Variants in EYA4 observed in about 807,000 individuals in gnomAD.
The protein encoded by EYA4 is protein phosphatase EYA4.
EYA4 carries 31 observed loss-of-function variants against 87.9 expected under a neutral mutation model. The observed-to-expected ratio is 0.35, with a 90% CI of 0.27 to 0.48. The LOEUF (loss-of-function observed/expected upper bound fraction) is 0.48, where lower values mean the gene tolerates loss of function less well. Among genes scored for constraint, EYA4 ranks in the 20% least tolerant of loss-of-function variants. The pLI, the probability that EYA4 is intolerant of heterozygous loss-of-function variation, is 0.99. For missense variants in EYA4, 678 were observed against 761.4 expected, an observed-to-expected ratio of 0.89 and a Z score of 1.29; for synonymous variants, 263 against 270.6, an observed-to-expected ratio of 0.97 and a Z score of 0.28.
intron 6 of EYA4, among the ~76,000 whole-genome samples, chr6:133,460,099 A>T (rs2128652092): frequency 6.6e-6 from 1 of 152,252 alleles, no homozygotes; most frequent in East Asian, 1.9e-4. Flanking sequence ...CAATTCTAAA[A>T]GTTTCGCTCC....
At chr6:133,432,971 T>G (rs1791323382) in intron 3 of EYA4, among the ~76,000 whole-genome samples, 1 of 152,182 alleles carries the variant, frequency 6.6e-6, no homozygotes, top group African/African-American at 2.4e-5. Flanking sequence ...ACCCATTAAC[T>G]TTTTCTAGGT....
At chr6:133,412,515 T>G (rs1011903860) in intron 3 of EYA4, among the ~76,000 whole-genome samples, 1 of 152,190 alleles carries the variant, frequency 6.6e-6, no homozygotes, top group Non-Finnish European at 1.5e-5. Flanking sequence ...TTTCGTGTAA[T>G]GTATGTATTT....
chr6:133,436,770 G>A (rs1220625971), intron 3 of EYA4, among the ~76,000 whole-genome samples: 4 of 152,234 alleles, frequency 2.6e-5, no homozygotes, highest in Admixed American at 1.3e-4. Context: ...GCTGGCATGA[G>A]TGGGAGTGTT....
At position 133,356,779 on chromosome 6, in the gene EYA4, GTGTGTGTGTGTGTATA is replaced by G. The variant is rs1204681702; in HGVS notation, c.34-25611_34-25596del. On this transcript the variant is annotated intron_variant, in intron 2 of 19. Transcript: ENST00000355286. ...TGTGTGTGTGTGTGTGTGTGTGTGTGTGTGTGTGTGTGTATATATATATTTTATTTTTATTTTTTTT... is the reference window on the plus strand; with the variant it reads ...TGTGTGTGTGTGTGTGTGTGTGTGTGTATATATTTTATTTTTATTTTTTTT... Among the ~76,000 whole-genome samples the G allele has an allele frequency of 3.1e-3, 436 of 140,426 alleles. 5 individuals are homozygous for G. The highest frequency in any genetic ancestry group is 0.011 in the African/African-American group (419 of 38,372). The allele number at this position is 140,426 out of a possible 152,430, so 92.1% of individuals were successfully genotyped here. A position where few individuals can be genotyped will look rare whatever the true frequency, so the allele number is the denominator to read the frequency against.
chr6:133,491,561 CCAA>C (rs1322072011), intron 13 of EYA4, among the ~76,000 whole-genome samples: 1 of 152,046 alleles, frequency 6.6e-6, no homozygotes, highest in East Asian at 1.9e-4. Flanking sequence ...ATGAAATGGA[CCAA>C]CAACTAGACA....
At chr6:133,340,066 TAAAAG>T (rs923486204) in intron 2 of EYA4, among the ~76,000 whole-genome samples, 55 of 152,062 alleles carry the variant, frequency 3.6e-4, no homozygotes, top group African/African-American at 1.2e-3. Flanking sequence ...TGAAAAGACT[TAAAAG>T]AGAAGGGGAA....
chr6:133,405,462 C>T (rs1788621925), intron 3 of EYA4, among the ~76,000 whole-genome samples: 1 of 152,034 alleles, frequency 6.6e-6, no homozygotes, highest in Non-Finnish European at 1.5e-5. Context: ...CTTGCATTGT[C>T]GTGATGATGT....
At chr6:133,436,306 T>C (rs1031184942) in intron 3 of EYA4, among the ~76,000 whole-genome samples, 2 of 152,180 alleles carry the variant, frequency 1.3e-5, no homozygotes, top group Admixed American at 6.5e-5. Context: ...CTTGCTCTCC[T>C]GCCTAGCCTG....
In EYA4 at chr6:133,500,661, T is replaced by C. The variant is rs112346987; in HGVS notation, c.1192-5445T>C. ...TGCCTCCTACATCTGTAGCCATAGA[T>C]GTCTCTTGCACCTCTCTTGCACCCT... On this transcript the variant is annotated intron_variant, in intron 13 of 19. Coordinates refer to ENST00000355286, the MANE Select transcript of EYA4 (RefSeq NM_004100.5). 1.5e-3 allele frequency among the ~76,000 whole-genome samples: 232 copies of C among 152,304 alleles called. 1 individual carries two copies. Among genetic ancestry groups the C allele is most frequent in the African/African-American group, 5.1e-3 (213 of 41,562 alleles).
chr6:133,432,589 G>A lies in EYA4; in HGVS notation c.84-14041G>A, dbSNP rs538026861. Among the ~76,000 whole-genome samples, 47 of 151,626 alleles carry A rather than the reference G, an allele frequency of 3.1e-4. 1 individual carries two copies. In the South Asian group the frequency reaches 8.8e-3, roughly 28 times the overall value. On this transcript the variant is annotated intron_variant, in intron 3 of 19. Transcript: ENST00000355286. Reference sequence around the variant, plus strand: ...TCCTGACACTGCTGTTACATGAATCGTACACAACTTCAACCATTGCTTGCT... The same window carrying A: ...TCCTGACACTGCTGTTACATGAATCATACACAACTTCAACCATTGCTTGCT...
intron 2 of EYA4, among the ~76,000 whole-genome samples, chr6:133,340,009 A>G (rs1017765719): frequency 3.3e-5 from 5 of 152,208 alleles, no homozygotes; most frequent in Non-Finnish European, 7.3e-5. Flanking sequence ...TGGGCTTGAT[A>G]GAATTTAGCA....
intron 3 of EYA4, among the ~76,000 whole-genome samples, chr6:133,394,282 G>GTGTTTTTTTT (rs1490003814): frequency 9.3e-6 from 1 of 107,846 alleles, no homozygotes; most frequent in African/African-American, 4.8e-5. Flanking sequence ...ATATAAGCTT[G>GTGTTTTTTTT]TGTTTTTTTT....
chr6:133,242,061 C>T (rs1017638751), intron 1 of EYA4, among the ~76,000 whole-genome samples: 2 of 152,238 alleles, frequency 1.3e-5, no homozygotes, highest in South Asian at 4.1e-4. Context: ...GGAGCCTGCG[C>T]GTAACGGAGT....
rs180767651 is a variant in EYA4 at position 133,391,156 on chromosome 6, T to C, written c.83+8715T>C. ...TAGGACTCTTATTGGTTGCAGCTAC[T>C]GTTGTCAGCCAGTTGAAGCAGAAAA... On this transcript the variant is annotated intron_variant, in intron 3 of 19. Transcript: ENST00000355286. 1.4e-3 allele frequency among the ~76,000 whole-genome samples: 211 copies of C among 152,208 alleles called. 1 individual carries two copies. The highest frequency in any genetic ancestry group is 5.0e-3 in the African/African-American group (208 of 41,544).
chr6:133,500,635 G>A (rs887938562), intron 13 of EYA4, among the ~76,000 whole-genome samples: 7 of 152,042 alleles, frequency 4.6e-5, no homozygotes, highest in Admixed American at 6.6e-5. Flanking sequence ...CACCAAATCC[G>A]TGCCTCCTAC....
chr6:133,451,273 G>T (rs1355820395), intron 5 of EYA4, among the ~76,000 whole-genome samples: 3 of 152,090 alleles, frequency 2.0e-5, no homozygotes, highest in Non-Finnish European at 4.4e-5. Context: ...ACTTAAAAAG[G>T]TAAAAACCAT....
chr6:133,270,944 C>T (rs938516979), intron 1 of EYA4, among the ~76,000 whole-genome samples: 5 of 152,178 alleles, frequency 3.3e-5, no homozygotes, highest in Admixed American at 6.5e-5. Context: ...GCAATGTTAA[C>T]ATCCAGTTTA....
Position 133,382,441 on chromosome 6 carries a change from G to T in EYA4, c.83G>T (p.Arg28Met). The change falls in exon 3 of 20, where the codon AGG (arginine) becomes ATG (methionine). Residue 28 changes from arginine to methionine, a missense_variant and splice_region_variant. Arg to Met is a moderately conservative substitution (Grantham distance 91). Transcript: ENST00000355286. ...GATGTTTCACAATCTCAGAATTCCA[G>T]GTACAGTAAAATAAAGACCAAGACT... is the stretch of plus-strand genomic sequence containing the variant. ...ESDVSQSQNSRSMEMQDLASP... is the reference protein window; with the variant it reads ...ESDVSQSQNSMSMEMQDLASP... The T allele has an allele frequency of 6.2e-7, 1 of 1,608,656 alleles. No individual in the cohort carries two copies. Among genetic ancestry groups the T allele is most frequent in the South Asian group, 1.1e-5 (1 of 90,970 alleles).
rs541598058 is a variant in EYA4, at chr6:133,391,577, T to C, written c.83+9136T>C. ...ACACAACAAGAGGAAAATGCCCATG[T>C]GACACTGCTCCTGATTTTATACATT... On this transcript the variant is annotated intron_variant, in intron 3 of 19. Coordinates refer to ENST00000355286, the MANE Select transcript of EYA4 (RefSeq NM_004100.5). Among the ~76,000 whole-genome samples, 238 of 152,318 alleles carry C rather than the reference T, an allele frequency of 1.6e-3. 1 individual carries two copies. The highest frequency in any genetic ancestry group is 4.8e-3 in the African/African-American group (200 of 41,582).
Sources: allele counts gnomAD v4.1 joint callset (sites outside exome capture counted in the v4.1 genomes callset), GRCh38; gene constraint gnomAD v4.1.1; transcripts MANE v1.5; gene names NCBI Gene and HGNC (gene_info 2026-07-23, HGNC 2026-07-21).